The following SASH1 variants were observed in gnomAD, a reference collection of about 807,000 sequenced individuals.
The protein encoded by SASH1 is SAM and SH3 domain-containing protein 1.
SASH1 carries 44 observed loss-of-function variants against 125.2 expected under a neutral mutation model. The observed-to-expected ratio is 0.35, with a 90% confidence interval of 0.28 to 0.45. The LOEUF is 0.45. Ranked by LOEUF, SASH1 falls within the 20% of genes least tolerant of loss-of-function variation. The pLI, the probability that SASH1 is intolerant of heterozygous loss-of-function variation, is 1.00. For missense variants in SASH1, 1,426 were observed against 1,614.5 expected (o/e 0.88, Z 2.00); for synonymous variants, 639 against 649.1 (o/e 0.98, Z 0.24).
the SASH1 span, among the ~76,000 whole-genome samples, chr6:148,206,749 C>T: frequency 6.6e-6 from 1 of 151,428 alleles, no homozygotes; most frequent in Non-Finnish European, 1.5e-5. Context: ...AAGACCGTGC[C>T]ACTCCACTCC....
At chr6:148,527,318 A>C in intron 11 of SASH1, 135 bp from the exon 12 acceptor site, 2 of 716,472 alleles carry the variant, frequency 2.8e-6, no homozygotes, top group Non-Finnish European at 4.3e-6. Context: ...AATAGCACTG[A>C]GTTAACACAA....
Position 148,319,066 on chromosome 6 carries a change from T to A in SASH1, n.74+46689T>A, listed in dbSNP as rs1176077961. 5.6e-5 allele frequency among the ~76,000 whole-genome samples: 7 copies of A among 123,912 alleles called. No individual in the cohort carries two copies. In the East Asian group the frequency reaches 1.6e-3, roughly 29 times the overall value. 81.3% of individuals were successfully genotyped at this position (123,912 alleles called of 152,430 possible). On this transcript the variant is annotated intron_variant and non_coding_transcript_variant, in intron 1 of 3. Coordinates refer to the SASH1 transcript ENST00000367469. ...TTTTTTTTTTGAGACGGAGTCTGGC[T>A]CTGTAGCCCAGGCTGGAGTGCAGTG...
chr6:148,251,714 G>A, the SASH1 span, among the ~76,000 whole-genome samples: 2 of 151,258 alleles, frequency 1.3e-5, no homozygotes, highest in East Asian at 3.9e-4. Context: ...TTAAGTTTTA[G>A]GGTACATGTG....
At chr6:148,362,615 G>T (rs772957365) in intron 1 of SASH1, among the ~76,000 whole-genome samples, 1 of 151,680 alleles carries the variant, frequency 6.6e-6, no homozygotes, top group South Asian at 2.1e-4. Context: ...CGGAGGCTTA[G>T]GAATGCTTTC....
intron 1 of SASH1, among the ~76,000 whole-genome samples, chr6:148,286,284 C>A (rs189098134): frequency 6.6e-6 from 1 of 151,854 alleles, no homozygotes; most frequent in Admixed American, 6.6e-5. Context: ...GCTTGTAGTC[C>A]CAGCTACTCG....
chr6:148,386,689 C>G (rs1783382580), intron 1 of SASH1, among the ~76,000 whole-genome samples: 1 of 152,144 alleles, frequency 6.6e-6, no homozygotes, highest in Admixed American at 6.5e-5. Flanking sequence ...TTCCTGAGAC[C>G]AAGACAACTC....
intron 1 of SASH1, among the ~76,000 whole-genome samples, chr6:148,369,199 G>A (rs1782612496): frequency 6.6e-6 from 1 of 152,234 alleles, no homozygotes; most frequent in South Asian, 2.1e-4. Context: ...ATGCAGCACA[G>A]AGGGAGAATC....
chr6:148,333,107 T>C (rs1337199214), intron 1 of SASH1, among the ~76,000 whole-genome samples: 1 of 152,164 alleles, frequency 6.6e-6, no homozygotes, highest in Non-Finnish European at 1.5e-5. Flanking sequence ...GACATACCTA[T>C]AGTCTGCAGG....
At chr6:148,223,134 G>A in the SASH1 span, among the ~76,000 whole-genome samples, 2 of 145,686 alleles carry the variant, frequency 1.4e-5, no homozygotes, top group Non-Finnish European at 3.0e-5. Flanking sequence ...TGGAGAGGCA[G>A]CGGAGCATGG....
At chr6:148,272,575 G>A (rs1287425944) in intron 1 of SASH1, among the ~76,000 whole-genome samples, 3 of 151,952 alleles carry the variant, frequency 2.0e-5, no homozygotes, top group Non-Finnish European at 2.9e-5. Flanking sequence ...TTCCTTCACC[G>A]GGCTTTGCCA....
At position 148,514,458 on chromosome 6, in the gene SASH1, T is replaced by TAA. The variant is rs10710533; in HGVS notation, c.862+29_862+30dup. 3,138 of 572,594 alleles carry TAA rather than the reference T, an allele frequency of 5.5e-3. 56 individuals carry two copies. Among genetic ancestry groups the TAA allele is most frequent in the Middle Eastern group, 0.014 (17 of 1,204 alleles). 35.5% of individuals were successfully genotyped at this position (572,594 alleles called of 1,614,324 possible). On this transcript the variant is annotated splice_region_variant and intron_variant, in intron 9 of 19. Transcript: ENST00000367467. ...AAATGAAAAAACCCAGCACTGAAGG[T>TAA]AAAAAAAAAAAAAAAAAAAAAAAAA...
intron 1 of SASH1, among the ~76,000 whole-genome samples, chr6:148,291,626 T>A (rs1779635074): frequency 6.6e-6 from 1 of 152,042 alleles, no homozygotes; most frequent in Non-Finnish European, 1.5e-5. Context: ...CAATGCTGCA[T>A]TGAGTTGTGA....
chr6:148,239,617 G>A, the SASH1 span, among the ~76,000 whole-genome samples: 2 of 151,746 alleles, frequency 1.3e-5, no homozygotes, highest in Admixed American at 6.6e-5. Flanking sequence ...CACTGTGCGC[G>A]AATCATTGTC....
chr6:148,242,945 A>G, the SASH1 span, among the ~76,000 whole-genome samples: 1 of 151,982 alleles, frequency 6.6e-6, no homozygotes, highest in South Asian at 2.1e-4. Context: ...TTTAACTCTT[A>G]CTAATGGTAT....
the SASH1 span, among the ~76,000 whole-genome samples, chr6:148,208,082 T>A: frequency 9.9e-5 from 15 of 152,204 alleles, no homozygotes; most frequent in Non-Finnish European, 2.9e-5. Context: ...TCCTGCTTCC[T>A]CATCAGCTGA....
At chr6:148,508,923 T>C (rs766535256) in intron 8 of SASH1, 3 of 1,086,868 alleles carry the variant, frequency 2.8e-6, no homozygotes, top group South Asian at 2.6e-5. Context: ...ATGTGTTTTC[T>C]GTTGCTTCAA....
At chr6:148,229,961 C>T in the SASH1 span, among the ~76,000 whole-genome samples, 24 of 152,100 alleles carry the variant, frequency 1.6e-4, no homozygotes, top group African/African-American at 4.3e-4. Flanking sequence ...ATCCACCCGC[C>T]TCGGCCTCCC....
chr6:148,281,651 G>T (rs544775998), intron 1 of SASH1, among the ~76,000 whole-genome samples: 2 of 152,134 alleles, frequency 1.3e-5, no homozygotes, highest in Non-Finnish European at 2.9e-5. Flanking sequence ...GGCCGGGCGC[G>T]GTGGCTCACG....
At chr6:148,332,476 A>AGCCAC (rs1184507881) in intron 1 of SASH1, among the ~76,000 whole-genome samples, 1 of 152,186 alleles carries the variant, frequency 6.6e-6, no homozygotes, top group Non-Finnish European at 1.5e-5. Context: ...AACAAATAAC[A>AGCCAC]AGTATTTAAA....
Sources: allele counts gnomAD v4.1 joint callset (sites outside exome capture counted in the v4.1 genomes callset), GRCh38; gene constraint gnomAD v4.1.1; transcripts MANE v1.5; gene names NCBI Gene and HGNC (gene_info 2026-07-23, HGNC 2026-07-21).